Variants in CTDP1 observed in about 807,000 individuals in gnomAD.
The protein encoded by CTDP1 is CTD phosphatase 1, also known as RNA polymerase II subunit A C-terminal domain phosphatase.
CTDP1 carries 47 observed loss-of-function variants against 91.8 expected under a neutral mutation model. That is an observed-to-expected ratio of 0.51 (90% CI 0.41 to 0.65). The LOEUF (loss-of-function observed/expected upper bound fraction) is 0.65. CTDP1 is among the 30% of genes least tolerant of loss of function. The pLI is 0.00. For synonymous variants in CTDP1, 656 were observed against 598.5 expected, an observed-to-expected ratio of 1.10 and a Z score of -1.40; for missense variants, 1,272 against 1,373.7, an observed-to-expected ratio of 0.93 and a Z score of 1.17.
chr18:79,720,495 A>G (rs967681926), intron 10 of CTDP1, among the ~76,000 whole-genome samples: 11 of 141,392 alleles, frequency 7.8e-5, no homozygotes, highest in Admixed American at 4.3e-4. Context: ...TGATGATGTC[A>G]CCTCCCATCG....
intron 4 of CTDP1, among the ~76,000 whole-genome samples, chr18:79,701,222 A>G (rs1471736661): frequency 6.6e-6 from 1 of 152,118 alleles, no homozygotes; most frequent in Admixed American, 6.6e-5. Flanking sequence ...TAAGAACTAC[A>G]TCTCCTGGCC....
intron 12 of CTDP1, among the ~76,000 whole-genome samples, chr18:79,740,714 A>C (rs190659857): frequency 2.0e-3 from 298 of 152,288 alleles, no homozygotes; most frequent in African/African-American, 6.9e-3. Context: ...AATGAGTTTT[A>C]ACATAAGGGG....
intron 1 of CTDP1, among the ~76,000 whole-genome samples, chr18:79,694,194 T>G (rs60485868): frequency 7.8e-6 from 1 of 128,640 alleles, no homozygotes; most frequent in Non-Finnish European, 1.7e-5. Flanking sequence ...TGCTGAGTGC[T>G]GGGCGGCCTC....
At chr18:79,684,017 CAT>C (rs1251054825) in intron 1 of CTDP1, among the ~76,000 whole-genome samples, 12 of 152,260 alleles carry the variant, frequency 7.9e-5, no homozygotes, top group Admixed American at 7.8e-4. Flanking sequence ...TCTTTGAAAA[CAT>C]AGCATTAAAT....
intron 11 of CTDP1, among the ~76,000 whole-genome samples, chr18:79,733,213 G>A (rs915489984): frequency 2.6e-5 from 4 of 151,830 alleles, no homozygotes; most frequent in African/African-American, 7.2e-5. Context: ...CTCACGCTGC[G>A]GCCTCAGCAG....
intron 4 of CTDP1, among the ~76,000 whole-genome samples, chr18:79,702,483 T>A (rs1342078177): frequency 2.0e-5 from 3 of 152,180 alleles, no homozygotes; most frequent in Admixed American, 2.0e-4. Flanking sequence ...AAGCCATTCT[T>A]GTGCCTCAGC....
At chr18:79,701,823 C>T (rs1230876022) in intron 4 of CTDP1, among the ~76,000 whole-genome samples, 2 of 152,140 alleles carry the variant, frequency 1.3e-5, no homozygotes, top group South Asian at 2.1e-4. Flanking sequence ...GGCTTCGAGA[C>T]CCCAGCGGAG....
chr18:79,748,916 G>A (rs549603404), intron 12 of CTDP1, among the ~76,000 whole-genome samples: 1 of 151,998 alleles, frequency 6.6e-6, no homozygotes, highest in South Asian at 2.1e-4. Context: ...TGTGTGAGCC[G>A]TGTCTGTGTG....
Position 79,680,095 on chromosome 18 carries a change from G to A in CTDP1, c.148G>A (p.Ala50Thr). Residue 50 changes from alanine (A) to threonine (T), a missense_variant, in exon 1 of 13, where the codon GCC becomes ACC. Ala to Thr is a moderately conservative substitution (Grantham distance 58, BLOSUM62 0). Around this residue, in one of 3 missense-constraint regions of CTDP1, gnomAD observed 214 missense variants for 179.1 expected, o/e 1.19. Transcript: ENST00000613122. ...GAAVRIGSVL[A>T]VFEAAASAQS... ...GGCCGTGCGCATCGGCTCGGTGCTG[G>A]CCGTGTTCGAGGCCGCCGCCTCCGC... 1 of 1,408,610 alleles carries A rather than the reference G, an allele frequency of 7.1e-7. No individual in the cohort carries two copies. The highest frequency in any genetic ancestry group is 1.5e-5 in the African/African-American group (1 of 66,802). 87.3% of individuals were successfully genotyped at this position (1,408,610 alleles called of 1,614,324 possible).
At chr18:79,721,708 G>T (rs547237571) in intron 10 of CTDP1, among the ~76,000 whole-genome samples, 4 of 152,088 alleles carry the variant, frequency 2.6e-5, no homozygotes, top group Admixed American at 6.5e-5. Context: ...AGCTGTGATC[G>T]CACCCCTGCG....
rs770418999 is a variant in CTDP1, at chr18:79,753,697, C to T, written c.2793C>T (p.Ser931=). The part of the protein sequence containing the change: ...KLNEEDAASE[S]SRESSNEDEG... ...ATGAAGAGGACGCCGCCAGCGAGTC[C>T]AGCAGGGAGTCCAGCAACGAGGATG... is the stretch of plus-strand genomic sequence containing the variant. The change falls in exon 13 of 13, where the codon TCC becomes TCT. Residue 931 remains serine (S), a synonymous_variant. Coordinates refer to ENST00000613122, the MANE Select transcript of CTDP1 (RefSeq NM_004715.5). 1 of 1,614,082 alleles carries T rather than the reference C, an allele frequency of 6.2e-7. No individual in the cohort carries two copies. Among genetic ancestry groups the T allele is most frequent in the Admixed American group, 1.7e-5 (1 of 60,030 alleles).
rs894407160 is a variant in CTDP1, at chr18:79,679,897, C to T, written c.-51C>T. On this transcript the variant is annotated 5_prime_UTR_variant, in exon 1 of 13. Coordinates refer to ENST00000613122, the MANE Select transcript of CTDP1 (RefSeq NM_004715.5). ...GTGTCGCCGCGGTAGGCGCTGCGCT[C>T]TGAGCGCAGCGCAGGCCCCGTACCG... 1.5e-6 allele frequency: 2 copies of T among 1,336,212 alleles called. No individual in the cohort carries two copies. The highest frequency in any genetic ancestry group is 1.6e-5 in the African/African-American group (1 of 63,340). The allele number at this position is 1,336,212 out of a possible 1,614,324, so 82.8% of individuals were successfully genotyped here. A position where few individuals can be genotyped will look rare whatever the true frequency, so the allele number is the denominator to read the frequency against.
upstream of CTDP1, chr18:79,679,631 G>T: frequency 2.0e-6 from 1 of 491,878 alleles, no homozygotes; most frequent in African/African-American, 1.9e-5. Context: ...CTGCTCCACG[G>T]TGCCGGCGCT....
intron 1 of CTDP1, among the ~76,000 whole-genome samples, chr18:79,688,297 T>C (rs1459506937): frequency 6.6e-6 from 1 of 152,232 alleles, no homozygotes; most frequent in African/African-American, 2.4e-5. Context: ...GAAGTTTCAC[T>C]GTTGTCACCC....
At chr18:79,734,526 GGCTGCCCT>G (rs1391799227) in intron 11 of CTDP1, among the ~76,000 whole-genome samples, 3 of 151,062 alleles carry the variant, frequency 2.0e-5, no homozygotes, top group African/African-American at 7.4e-5. Context: ...GCACGTGCCG[GGCTGCCCT>G]GCCTCACCAG....
intron 1 of CTDP1, among the ~76,000 whole-genome samples, chr18:79,687,637 G>A (rs1372347936): frequency 2.6e-5 from 4 of 151,562 alleles, no homozygotes; most frequent in South Asian, 4.2e-4. Flanking sequence ...GGCCTGCACC[G>A]CAGCAGTTGG....
intron 12 of CTDP1, among the ~76,000 whole-genome samples, chr18:79,748,073 C>T (rs1336111631): frequency 6.6e-6 from 1 of 152,174 alleles, no homozygotes; most frequent in African/African-American, 2.4e-5. Context: ...TATCTGTTAA[C>T]ATTTCTCTAT....
At chr18:79,704,349 C>A (rs1391055930) in intron 4 of CTDP1, among the ~76,000 whole-genome samples, 1 of 152,036 alleles carries the variant, frequency 6.6e-6, no homozygotes, top group Non-Finnish European at 1.5e-5. Context: ...TCCTCTGTCC[C>A]ACGTGGAGTG....
chr18:79,733,184 C>T lies in CTDP1; in HGVS notation c.2581-3171C>T, dbSNP rs1835825505. Among the ~76,000 whole-genome samples, 5 of 152,030 alleles carry T rather than the reference C, an allele frequency of 3.3e-5. No homozygotes were observed. In the South Asian group the frequency reaches 6.2e-4, roughly 19 times the overall value. ...ACGGCCTCGGCACAGGACGGGTGTG[C>T]GTTTGTCGTGTGTGGATCCTCACGC... is the stretch of plus-strand genomic sequence containing the variant. On this transcript the variant is annotated intron_variant, in intron 11 of 12. Coordinates refer to ENST00000613122, the MANE Select transcript of CTDP1 (RefSeq NM_004715.5).
Sources: gnomAD v4.1 joint callset for allele counts (sites outside exome capture counted in the v4.1 genomes callset) on GRCh38, gnomAD v4.1.1 for gene constraint, gnomAD v4.1.1 regional missense constraint, MANE v1.5 for transcripts, NCBI Gene and HGNC (gene_info 2026-07-23, HGNC 2026-07-21) for gene names.